Variants in MDGA2 observed in about 807,000 individuals in gnomAD.
MDGA2 encodes MAM domain containing glycosylphosphatidylinositol anchor 2.
MDGA2 carries 40 observed loss-of-function variants against 117.8 expected under a neutral mutation model. That is an observed-to-expected ratio of 0.34 (90% CI 0.26 to 0.44). The LOEUF is 0.44. Among genes scored for constraint, MDGA2 ranks in the 20% least tolerant of loss-of-function variants. The probability of loss-of-function intolerance (pLI) is 1.00; values close to 1 mark genes in which losing one functional copy is unlikely to be tolerated. For missense variants in MDGA2, 1,123 were observed against 1,250.6 expected (o/e 0.90, Z 1.54); for synonymous variants, 452 against 439.0 (o/e 1.03, Z -0.37).
chr14:47,064,217 T>C (rs564998787), intron 6 of MDGA2, among the ~76,000 whole-genome samples: 1 of 152,000 alleles, frequency 6.6e-6, no homozygotes, highest in African/African-American at 2.4e-5. Flanking sequence ...GCGAAAAACA[T>C]TGGTGAATCT....
At chr14:47,131,542 T>G (rs1360908789) in intron 5 of MDGA2, among the ~76,000 whole-genome samples, 172 bp downstream of exon 5, 2 of 152,034 alleles carry the variant, frequency 1.3e-5, no homozygotes, top group African/African-American at 4.8e-5. Flanking sequence ...TACAATGACA[T>G]TTTACTGTGT....
intron 2 of MDGA2, among the ~76,000 whole-genome samples, chr14:47,279,236 T>C (rs1440963334): frequency 6.6e-6 from 1 of 152,188 alleles, no homozygotes; most frequent in Non-Finnish European, 1.5e-5. Flanking sequence ...TGCATACTGA[T>C]AGAGTATATT....
chr14:47,204,853 T>A (rs1885626306), intron 3 of MDGA2, among the ~76,000 whole-genome samples: 1 of 152,022 alleles, frequency 6.6e-6, no homozygotes, highest in Admixed American at 6.5e-5. Flanking sequence ...TATGTACCAA[T>A]TGTGGGTACA....
At chr14:47,642,083 G>T (rs963144753) in intron 1 of MDGA2, among the ~76,000 whole-genome samples, 3 of 152,028 alleles carry the variant, frequency 2.0e-5, no homozygotes, top group Non-Finnish European at 4.4e-5. Context: ...GAGGGGAGAA[G>T]ATTCTCTCCC....
chr14:47,118,164 C>T (rs1289943812), intron 5 of MDGA2, among the ~76,000 whole-genome samples: 1 of 152,104 alleles, frequency 6.6e-6, no homozygotes, highest in Non-Finnish European at 1.5e-5. Context: ...CTAATTTCAA[C>T]AAGAGCCAAT....
At chr14:47,628,365 C>G (rs1566548918) in intron 1 of MDGA2, among the ~76,000 whole-genome samples, 1 of 152,298 alleles carries the variant, frequency 6.6e-6, no homozygotes, top group Admixed American at 6.5e-5. Context: ...TCTGAGAACA[C>G]GTTGGTTTTG....
At chr14:47,197,014 T>C (rs1017608539) in intron 3 of MDGA2, among the ~76,000 whole-genome samples, 10 of 152,248 alleles carry the variant, frequency 6.6e-5, no homozygotes, top group Admixed American at 3.9e-4. Context: ...TTTGTATGAC[T>C]GCATAGTATT....
At chr14:47,660,671 G>T (rs2138290677) in intron 1 of MDGA2, among the ~76,000 whole-genome samples, 1 of 152,266 alleles carries the variant, frequency 6.6e-6, no homozygotes, top group Admixed American at 6.5e-5. Flanking sequence ...GGCCAAATAT[G>T]ACATTTAACT....
intron 1 of MDGA2, among the ~76,000 whole-genome samples, chr14:47,506,919 G>GT (rs1454243950): frequency 1.3e-5 from 2 of 151,482 alleles, no homozygotes; most frequent in African/African-American, 2.4e-5. Flanking sequence ...GGATGCCAGC[G>GT]TGAGTTTAGA....
chr14:47,370,921 A>G (rs922156112), intron 1 of MDGA2, among the ~76,000 whole-genome samples: 1 of 151,772 alleles, frequency 6.6e-6, no homozygotes, highest in Non-Finnish European at 1.5e-5. Flanking sequence ...TGTACATTTT[A>G]TGTCTCGAAC....
chr14:47,029,874 C>A (rs1374627745), intron 8 of MDGA2, among the ~76,000 whole-genome samples: 1 of 151,902 alleles, frequency 6.6e-6, no homozygotes, highest in African/African-American at 2.4e-5. Context: ...GTCACTCATG[C>A]TTGAGTGCAG....
intron 1 of MDGA2, among the ~76,000 whole-genome samples, chr14:47,466,568 C>T (rs1893608687): frequency 6.6e-6 from 1 of 152,040 alleles, no homozygotes. Context: ...CAAAGCTGTG[C>T]CTCATTTACA....
At chr14:46,988,163 T>C (rs1219275102) in intron 8 of MDGA2, among the ~76,000 whole-genome samples, 1 of 151,914 alleles carries the variant, frequency 6.6e-6, no homozygotes, top group Non-Finnish European at 1.5e-5. Flanking sequence ...TTTTTTCTTC[T>C]CTCTGGTTTA....
At chr14:47,013,784 A>ATATG (rs1160594355) in intron 8 of MDGA2, among the ~76,000 whole-genome samples, 1 of 130,128 alleles carries the variant, frequency 7.7e-6, no homozygotes, top group African/African-American at 2.7e-5. Flanking sequence ...ATATATATAT[A>ATATG]TATATATATC....
At chr14:47,395,900 C>G (rs562169119) in intron 1 of MDGA2, among the ~76,000 whole-genome samples, 54 of 152,178 alleles carry the variant, frequency 3.5e-4, no homozygotes, top group African/African-American at 1.2e-3. Flanking sequence ...GACCATTTTT[C>G]TTTTAACTAG....
intron 1 of MDGA2, among the ~76,000 whole-genome samples, chr14:47,588,192 A>G (rs190773289): frequency 1.3e-5 from 2 of 148,584 alleles, no homozygotes; most frequent in Admixed American, 6.7e-5. Context: ...AGTCATATAC[A>G]AATTTTGTGT....
At chr14:47,518,487 T>C (rs1459903480) in intron 1 of MDGA2, among the ~76,000 whole-genome samples, 1 of 152,220 alleles carries the variant, frequency 6.6e-6, no homozygotes, top group Non-Finnish European at 1.5e-5. Flanking sequence ...TTAAGCTTTT[T>C]ATTATTGATC....
At chr14:47,293,705 T>C (rs978748973) in intron 2 of MDGA2, among the ~76,000 whole-genome samples, 1 of 152,230 alleles carries the variant, frequency 6.6e-6, no homozygotes, top group East Asian at 1.9e-4. Flanking sequence ...ATGAATGAGA[T>C]GTTTTAGATT....
At chr14:46,989,722 A>G (rs992177183) in intron 8 of MDGA2, among the ~76,000 whole-genome samples, 1 of 152,114 alleles carries the variant, frequency 6.6e-6, no homozygotes, top group Middle Eastern at 3.2e-3. Context: ...GCACTTATAT[A>G]TATTCTACAC....
Sources: allele counts gnomAD v4.1 joint callset (sites outside exome capture counted in the v4.1 genomes callset), GRCh38; gene constraint gnomAD v4.1.1; transcripts MANE v1.5; gene names NCBI Gene and HGNC (gene_info 2026-07-23, HGNC 2026-07-21).